Variants in VAV2 observed in about 807,000 individuals in gnomAD.
The protein encoded by VAV2 is vav guanine nucleotide exchange factor 2, also known as guanine nucleotide exchange factor VAV2.
VAV2 carries 67 observed loss-of-function variants against 132.5 expected under a neutral mutation model. The ratio of observed to expected loss-of-function variants is 0.51; its 90% CI spans 0.42 to 0.62. The LOEUF (loss-of-function observed/expected upper bound fraction) is 0.62. VAV2 is among the 20% of genes least tolerant of loss of function. The pLI is 0.00. For missense variants in VAV2, 938 were observed against 1,153.6 expected (o/e 0.81, Z 2.71); for synonymous variants, 492 against 443.5 (o/e 1.11, Z -1.37).
chr9:133,816,916 C>G (rs527646431), intron 4 of VAV2, among the ~76,000 whole-genome samples: 5 of 152,178 alleles, frequency 3.3e-5, no homozygotes, highest in African/African-American at 9.7e-5. Context: ...CTTGAAATCA[C>G]GTAATGTAAA....
At chr9:133,874,871 C>A (rs1838201357) in intron 2 of VAV2, among the ~76,000 whole-genome samples, 1 of 152,134 alleles carries the variant, frequency 6.6e-6, no homozygotes, top group Non-Finnish European at 1.5e-5. Flanking sequence ...GGCGTGGAGG[C>A]CTCATGGAGC....
chr9:133,938,721 A>C (rs1300028009), intron 2 of VAV2, among the ~76,000 whole-genome samples: 1 of 152,070 alleles, frequency 6.6e-6, no homozygotes, highest in Non-Finnish European at 1.5e-5. Context: ...GGTGGTACTA[A>C]CTTCGACCCA....
intron 1 of VAV2, among the ~76,000 whole-genome samples, chr9:133,958,960 T>C (rs1841880313): frequency 6.6e-6 from 1 of 151,716 alleles, no homozygotes; most frequent in African/African-American, 2.4e-5. Context: ...CCGCCCCAGG[T>C]GTTATTTTTG....
At chr9:133,933,349 A>AG (rs1288393531) in intron 2 of VAV2, among the ~76,000 whole-genome samples, 1 of 152,272 alleles carries the variant, frequency 6.6e-6, no homozygotes, top group African/African-American at 2.4e-5. Flanking sequence ...TAACTCCAGC[A>AG]TACTAAGTGC....
chr9:133,803,655 G>C (rs369273418), intron 9 of VAV2, among the ~76,000 whole-genome samples: 2 of 152,222 alleles, frequency 1.3e-5, no homozygotes, highest in East Asian at 1.9e-4. Flanking sequence ...ACCTCAAAAA[G>C]AGGGAGGTGA....
rs1426742450 is a variant in VAV2 at position 133,804,194 on chromosome 9, G to A, written c.836+1887C>T. On this transcript the variant is annotated intron_variant, in intron 9 of 29. Transcript: ENST00000371850. This position sits in a 1 kb window ranked among gnomAD's most constrained non-coding sequence, Gnocchi z 4.5. ...GAACCAGGACCTTGGGGCCGAATCC[G>A]AAATGAGAGGAAAGGGGCAAAAAAG... Among the ~76,000 whole-genome samples, 3 of 152,192 alleles carry A rather than the reference G, an allele frequency of 2.0e-5. No individual in the cohort carries two copies. Among genetic ancestry groups the A allele is most frequent in the East Asian group, 1.9e-4 (1 of 5,194 alleles).
chr9:133,882,265 C>A (rs114046330), intron 2 of VAV2, among the ~76,000 whole-genome samples: 1 of 152,198 alleles, frequency 6.6e-6, no homozygotes, highest in African/African-American at 2.4e-5. Flanking sequence ...AGGTGAAGCA[C>A]GCAGGCCGCC....
Position 133,824,829 on chromosome 9 carries a change from G to A in VAV2, c.449+9443C>T, listed in dbSNP as rs1835921571. Among the ~76,000 whole-genome samples, 1 of 152,188 alleles carries A rather than the reference G, an allele frequency of 6.6e-6. No individual in the cohort carries two copies. The highest frequency in any genetic ancestry group is 1.5e-5 in the Non-Finnish European group (1 of 68,018). On this transcript the variant is annotated intron_variant, in intron 4 of 29. Coordinates refer to ENST00000371850, the MANE Select transcript of VAV2 (RefSeq NM_001134398.2). The surrounding 1 kb of genome is among the most constrained non-coding windows in gnomAD (Gnocchi z 5.2). ...CCTAGTTCTGTACGACTCTGACCAG[G>A]TGCCTTCCTCTCTCAGAGCCCCGTC...
At chr9:133,927,509 T>C (rs1840522408) in intron 2 of VAV2, among the ~76,000 whole-genome samples, 1 of 152,122 alleles carries the variant, frequency 6.6e-6, no homozygotes, top group African/African-American at 2.4e-5. Context: ...TGGATATCCA[T>C]GTGCTAGGTG....
intron 1 of VAV2, among the ~76,000 whole-genome samples, chr9:133,989,938 C>T (rs928255398): frequency 2.6e-5 from 4 of 152,254 alleles, no homozygotes; most frequent in South Asian, 2.1e-4. Context: ...TCAGCCTCAG[C>T]GACACAGGGC....
chr9:133,844,904 A>G (rs1414375800), intron 3 of VAV2, among the ~76,000 whole-genome samples: 1 of 152,254 alleles, frequency 6.6e-6, no homozygotes, highest in Non-Finnish European at 1.5e-5. Context: ...TGAGGGCCCC[A>G]GACAGCTCCC....
intron 3 of VAV2, among the ~76,000 whole-genome samples, chr9:133,860,345 A>G (rs777022057): frequency 2.6e-5 from 4 of 152,018 alleles, no homozygotes; most frequent in Non-Finnish European, 5.9e-5. Context: ...TTTTTTAAAA[A>G]CCTCAATTCA....
rs367758960 is a variant in VAV2 at position 133,948,227 on chromosome 9, T to C, written c.205-9008A>G. On this transcript the variant is annotated intron_variant, in intron 1 of 29. Coordinates refer to ENST00000371850, the MANE Select transcript of VAV2 (RefSeq NM_001134398.2). ...TTGATTGAGGAGTGTCACGAGTTGA[T>C]TTTGTCTGGACAATTGAACTTCCTT... 5.6e-4 allele frequency among the ~76,000 whole-genome samples: 85 copies of C among 152,316 alleles called. No individual in the cohort carries two copies. The South Asian group carries it at 0.017, about 30-fold the overall frequency.
intron 1 of VAV2, among the ~76,000 whole-genome samples, chr9:133,955,342 G>C (rs1441108924): frequency 6.6e-6 from 1 of 151,682 alleles, no homozygotes; most frequent in Non-Finnish European, 1.5e-5. Context: ...GGCTGCGGAA[G>C]CTGAGTCGGA....
At chr9:133,765,999 A>T (rs1833419389) in intron 29 of VAV2, among the ~76,000 whole-genome samples, 1 of 152,226 alleles carries the variant, frequency 6.6e-6, no homozygotes, top group Non-Finnish European at 1.5e-5. Context: ...AAAGTGAAAT[A>T]AGGATGGTTT....
In VAV2 at chr9:133,919,727, G is replaced by A. The variant is rs973372007; in HGVS notation, c.321+19376C>T. Reference sequence around the variant, plus strand: ...GCGCAGAGAGTGGGGCCAGATGGACGTGGCCAGTCTCAGGGGAGCAACACA... The same window carrying A: ...GCGCAGAGAGTGGGGCCAGATGGACATGGCCAGTCTCAGGGGAGCAACACA... On this transcript the variant is annotated intron_variant, in intron 2 of 29. Coordinates refer to ENST00000371850, the MANE Select transcript of VAV2 (RefSeq NM_001134398.2). The surrounding 1 kb of genome is among the most constrained non-coding windows in gnomAD (Gnocchi z 5.8). Among the ~76,000 whole-genome samples, 4 of 152,198 alleles carry A rather than the reference G, an allele frequency of 2.6e-5. No individual in the cohort carries two copies. Among genetic ancestry groups the A allele is most frequent in the East Asian group, 3.8e-4 (2 of 5,198 alleles).
At chr9:133,799,843 G>T (rs1834862033) in intron 9 of VAV2, among the ~76,000 whole-genome samples, 1 of 152,154 alleles carries the variant, frequency 6.6e-6, no homozygotes, top group South Asian at 2.1e-4. Context: ...AGGAACAGAG[G>T]GACATTTAAG....
chr9:133,829,271 T>C (rs541162052), intron 4 of VAV2, among the ~76,000 whole-genome samples: 2 of 152,394 alleles, frequency 1.3e-5, no homozygotes, highest in African/African-American at 4.8e-5. Flanking sequence ...TTGTGTTAAT[T>C]TTTTCAACCA....
Position 133,789,748 on chromosome 9 carries a change from G to A in VAV2, c.1189-405C>T, listed in dbSNP as rs148811771. On this transcript the variant is annotated intron_variant, in intron 13 of 29. Coordinates refer to ENST00000371850, the MANE Select transcript of VAV2 (RefSeq NM_001134398.2). ...AGCGCCTATCTGCTGCAGGGCGGGT[G>A]GGGCCGGGGTCCTGCCAAGGGTGAG... Among the ~76,000 whole-genome samples the A allele has an allele frequency of 8.2e-4, 125 of 152,352 alleles. 1 individual carries two copies. Among genetic ancestry groups the A allele is most frequent in the African/African-American group, 2.9e-3 (120 of 41,590 alleles).
Sources: allele counts gnomAD v4.1 joint callset (sites outside exome capture counted in the v4.1 genomes callset), GRCh38; gene constraint gnomAD v4.1.1; non-coding constraint Gnocchi (gnomAD v3.1); transcripts MANE v1.5; gene names NCBI Gene and HGNC (gene_info 2026-07-23, HGNC 2026-07-21).